DNAJC2: variants seen among roughly 807,000 people sequenced by gnomAD.
The protein encoded by DNAJC2 is dnaJ homolog subfamily C member 2.
DNAJC2 carries 32 observed loss-of-function variants against 94.0 expected under a neutral mutation model. That is an observed-to-expected ratio of 0.34 (90% CI 0.26 to 0.46). DNAJC2 has a LOEUF of 0.46. Among genes scored for constraint, DNAJC2 ranks in the 20% least tolerant of loss-of-function variants. DNAJC2 has a pLI of 1.00. For synonymous variants in DNAJC2, 210 were observed against 229.7 expected (o/e 0.91, Z 0.77); for missense variants, 550 against 719.5 (o/e 0.76, Z 2.69).
chr7:103,320,746 AATATATATATATACACAT>A, intron 10 of DNAJC2: 1 of 118,190 alleles, frequency 8.5e-6, no homozygotes, highest in South Asian at 2.5e-4. Flanking sequence ...TCTGTCACAA[AATATATATATATACACAT>A]ATATATATAT....
At chr7:103,321,521 T>C (rs1818411575) in intron 10 of DNAJC2, among the ~76,000 whole-genome samples, 1 of 150,336 alleles carries the variant, frequency 6.7e-6, no homozygotes. Context: ...CCATCTCAAA[T>C]AAATAAATAA....
intron 15 of DNAJC2, chr7:103,314,732 T>G (rs1255206449): frequency 1.3e-6 from 1 of 769,104 alleles, no homozygotes; most frequent in Non-Finnish European, 1.6e-6. Flanking sequence ...TCCTCCCCTA[T>G]ATTAACACTG....
At chr7:103,325,252 T>C (rs1818640928) in intron 5 of DNAJC2, among the ~76,000 whole-genome samples, 1 of 152,184 alleles carries the variant, frequency 6.6e-6, no homozygotes, top group Non-Finnish European at 1.5e-5. Context: ...GAGACCAGTC[T>C]GGCCAATATG....
chr7:103,313,682 C>G (rs553416118), intron 15 of DNAJC2: 2 of 985,418 alleles, frequency 2.0e-6, no homozygotes, highest in Non-Finnish European at 2.4e-6. Flanking sequence ...CTGCTAAAAT[C>G]TTGGGAGCCG....
intron 12 of DNAJC2, among the ~76,000 whole-genome samples, chr7:103,317,627 C>T (rs1198687854): frequency 6.6e-6 from 1 of 152,138 alleles, no homozygotes. Context: ...TTCCCATCAT[C>T]ACATTCATAG....
chr7:103,326,090 C>T (rs1324027666), intron 5 of DNAJC2, among the ~76,000 whole-genome samples: 1 of 152,008 alleles, frequency 6.6e-6, no homozygotes, highest in Non-Finnish European at 1.5e-5. Flanking sequence ...GCAAAACTCC[C>T]GTCTCCGCCT....
rs760732650 is a variant in DNAJC2 at position 103,319,693 on chromosome 7, A to G, written c.1173-15T>C. ...AGCACTGTAAGCTAAAGAAAAAAAA[A>G]GAAGAAATGAAACTTTATCCTAAGC... On this transcript the variant is annotated splice_polypyrimidine_tract_variant and intron_variant, in intron 11 of 16. Coordinates refer to ENST00000379263, the MANE Select transcript of DNAJC2 (RefSeq NM_014377.3). The G allele has an allele frequency of 3.1e-6, 5 of 1,613,990 alleles. No individual in the cohort carries two copies. The Admixed American group carries it at 6.7e-5, about 22-fold the overall frequency.
chr7:103,322,370 A>C (rs897360669), intron 9 of DNAJC2, 141 bp downstream of exon 9: 4 of 926,978 alleles, frequency 4.3e-6, no homozygotes, highest in Non-Finnish European at 6.2e-6. Context: ...AATTATACCA[A>C]CTGGTCATGA....
At chr7:103,344,458 T>C in intron 1 of DNAJC2, 101 bp downstream of exon 1, 1 of 1,376,360 alleles carries the variant, frequency 7.3e-7, no homozygotes, top group Non-Finnish European at 1.0e-6. Context: ...CCGGGGCTAG[T>C]CGCCAGGGTC....
chr7:103,312,674 G>GT, intron 16 of DNAJC2, 31 bp from the exon 17 acceptor site: 1 of 1,603,368 alleles, frequency 6.2e-7, no homozygotes, highest in Non-Finnish European at 8.5e-7. Flanking sequence ...GATTTAAGAA[G>GT]TTGCGATTTA....
intron 14 of DNAJC2, 57 bp downstream of exon 14, chr7:103,315,931 C>T: frequency 6.5e-7 from 1 of 1,545,020 alleles, no homozygotes; most frequent in Admixed American, 1.8e-5. Context: ...CATTAAATTG[C>T]ATAAGTTATT....
At chr7:103,339,500 T>G (rs1191741441) in intron 2 of DNAJC2, among the ~76,000 whole-genome samples, 2 of 152,202 alleles carry the variant, frequency 1.3e-5, no homozygotes, top group Non-Finnish European at 2.9e-5. Context: ...ACTTCATCAC[T>G]TCCTAATCAC....
intron 4 of DNAJC2, 47 bp from the exon 5 acceptor site, chr7:103,326,731 T>C: frequency 6.5e-7 from 1 of 1,536,242 alleles, no homozygotes; most frequent in Non-Finnish European, 8.8e-7. Flanking sequence ...TTTACCTATT[T>C]TTTCCTGCAA....
At chr7:103,343,894 CA>C (rs1819489636) in intron 1 of DNAJC2, among the ~76,000 whole-genome samples, 1 of 152,290 alleles carries the variant, frequency 6.6e-6, no homozygotes, top group African/African-American at 2.4e-5. Flanking sequence ...AAATCACATT[CA>C]ACAAGCGCCT....
chr7:103,339,312 C>T (rs541105882), intron 2 of DNAJC2, among the ~76,000 whole-genome samples: 2 of 152,324 alleles, frequency 1.3e-5, no homozygotes, highest in South Asian at 2.1e-4. Context: ...AGTGAATGAA[C>T]TCTGCTACCT....
chr7:103,315,861 TTGA>T lies in DNAJC2; in HGVS notation c.1536_1538del (p.His512del), dbSNP rs778692621. On this transcript the variant is annotated inframe_deletion, in exon 15 of 17. Transcript: ENST00000379263. ...ATGCCTTTTTATTTATGTCATCTTT[TTGA>T]TGAGGGTCTGAGAAATGAAAAAAAT... 1.9e-6 allele frequency: 3 copies of T among 1,611,608 alleles called. No individual in the cohort carries two copies. The highest frequency in any genetic ancestry group is 8.5e-7 in the Non-Finnish European group (1 of 1,178,020).
intron 1 of DNAJC2, among the ~76,000 whole-genome samples, chr7:103,343,836 A>C (rs1465713690): frequency 6.6e-6 from 1 of 152,210 alleles, no homozygotes; most frequent in African/African-American, 2.4e-5. Flanking sequence ...TAGTTGTAAG[A>C]GGCACACGGA....
chr7:103,330,641 A>C (rs916273159), intron 3 of DNAJC2, among the ~76,000 whole-genome samples: 1 of 151,682 alleles, frequency 6.6e-6, no homozygotes, highest in Non-Finnish European at 1.5e-5. Flanking sequence ...TAGTAGAGAC[A>C]GGGTTTCACC....
intron 2 of DNAJC2, among the ~76,000 whole-genome samples, chr7:103,341,415 T>C (rs558040324): frequency 4.6e-5 from 7 of 152,234 alleles, no homozygotes; most frequent in Admixed American, 2.6e-4. Flanking sequence ...ATACGACTTA[T>C]CAATTCCTCA....
Sources: gnomAD v4.1 joint callset for allele counts (sites outside exome capture counted in the v4.1 genomes callset) on GRCh38, gnomAD v4.1.1 for gene constraint, MANE v1.5 for transcripts, NCBI Gene and HGNC (gene_info 2026-07-23, HGNC 2026-07-21) for gene names.